CD2AP: variants seen among roughly 807,000 people sequenced by gnomAD.
CD2AP encodes the protein CD2 associated protein.
In CD2AP, 46 loss-of-function variants were observed where a neutral mutation model predicts 85.1. That is an observed-to-expected ratio of 0.54 (90% CI 0.43 to 0.69). The LOEUF is 0.69. Among genes scored for constraint, CD2AP ranks in the 30% least tolerant of loss-of-function variants. The pLI is 0.00. For synonymous variants in CD2AP, 255 were observed against 252.9 expected (o/e 1.01, Z -0.08); for missense variants, 769 against 729.5 (o/e 1.05, Z -0.62).
At chr6:47,593,863 T>A (rs1768865344) in intron 11 of CD2AP, among the ~76,000 whole-genome samples, 1 of 152,094 alleles carries the variant, frequency 6.6e-6, no homozygotes, top group African/African-American at 2.4e-5. Flanking sequence ...AGCAGCACTA[T>A]TTACAGTAGG....
At chr6:47,553,513 ATTT>A (rs148273065) in intron 4 of CD2AP, among the ~76,000 whole-genome samples, 6 of 110,508 alleles carry the variant, frequency 5.4e-5, no homozygotes, top group African/African-American at 1.1e-4. Context: ...CACCTAGTGA[ATTT>A]TTTTTTTTTT....
chr6:47,556,289 C>T (rs1239276615), intron 5 of CD2AP, among the ~76,000 whole-genome samples: 1 of 150,620 alleles, frequency 6.6e-6, no homozygotes, highest in Non-Finnish European at 1.5e-5. Flanking sequence ...TACTGTTCAC[C>T]TCCCATTTAT....
At chr6:47,566,333 C>CAT (rs1252667330) in intron 5 of CD2AP, among the ~76,000 whole-genome samples, 55 of 92,056 alleles carry the variant, frequency 6.0e-4, no homozygotes, top group East Asian at 1.0e-3. Flanking sequence ...TACACATACA[C>CAT]ATATATATAT....
chr6:47,532,418 C>T (rs1242047502), intron 2 of CD2AP, among the ~76,000 whole-genome samples: 6 of 109,204 alleles, frequency 5.5e-5, no homozygotes, highest in South Asian at 6.2e-4. Context: ...CACACACACA[C>T]ACAATACTTG....
At chr6:47,507,138 A>C (rs1035042384) in intron 2 of CD2AP, among the ~76,000 whole-genome samples, 7 of 152,204 alleles carry the variant, frequency 4.6e-5, no homozygotes, top group Admixed American at 1.3e-4. Flanking sequence ...CATAGGAAGC[A>C]ACTCCTCATC....
At chr6:47,599,065 T>C (rs546126003) in intron 12 of CD2AP, among the ~76,000 whole-genome samples, 6 of 146,442 alleles carry the variant, frequency 4.1e-5, no homozygotes, top group Admixed American at 1.4e-4. Context: ...TATACTAATA[T>C]CTGTTGAATG....
chr6:47,597,934 C>CA (rs989850580), intron 12 of CD2AP, among the ~76,000 whole-genome samples: 5 of 150,832 alleles, frequency 3.3e-5, no homozygotes, highest in African/African-American at 1.2e-4. Flanking sequence ...TGAAGGGACC[C>CA]AGTGGTGTCT....
At chr6:47,522,070 T>C (rs1263917736) in intron 2 of CD2AP, among the ~76,000 whole-genome samples, 1 of 151,366 alleles carries the variant, frequency 6.6e-6, no homozygotes, top group African/African-American at 2.4e-5. Flanking sequence ...ATTGGAGACA[T>C]TGAATAATTA....
At position 47,503,356 on chromosome 6, in the gene CD2AP, G is replaced by C. The variant is rs1283834941; in HGVS notation, c.81G>C (p.Arg27Ser). The C allele has an allele frequency of 3.1e-6, 5 of 1,613,646 alleles. No homozygotes were observed. The highest frequency in any genetic ancestry group is 4.2e-6 in the Non-Finnish European group (5 of 1,179,760). ...CTATTCGAGTTGGAGAAATCATCAG[G>C]AATGTGAAAAAGCTACAGGAGGAAG... The part of the protein sequence containing the change: ...ELTIRVGEII[R>S]NVKKLQEEGW... The change falls in exon 2 of 18, where the codon AGG (arginine) becomes AGC (serine). Residue 27 changes from arginine to serine, a missense_variant. Arg to Ser is a moderately radical substitution (Grantham distance 110). Coordinates refer to ENST00000359314, the MANE Select transcript of CD2AP (RefSeq NM_012120.3).
At chr6:47,587,296 C>G (rs1047300312) in intron 11 of CD2AP, among the ~76,000 whole-genome samples, 1 of 152,132 alleles carries the variant, frequency 6.6e-6, no homozygotes, top group Non-Finnish European at 1.5e-5. Flanking sequence ...AAGCTCTGTT[C>G]TGTCAGAGAT....
chr6:47,480,320 C>T (rs889976469), intron 1 of CD2AP, among the ~76,000 whole-genome samples: 5 of 151,932 alleles, frequency 3.3e-5, no homozygotes, highest in Admixed American at 6.6e-5. Flanking sequence ...TTGGTTTTAC[C>T]AGCCATCCTT....
At chr6:47,499,885 C>A (rs143998552) in intron 1 of CD2AP, among the ~76,000 whole-genome samples, 2 of 152,060 alleles carry the variant, frequency 1.3e-5, no homozygotes, top group African/African-American at 4.8e-5. Flanking sequence ...TATGCCACCA[C>A]GCCCGGCTAA....
chr6:47,609,144 C>T lies in CD2AP; in HGVS notation c.1654C>T (p.Pro552Ser), dbSNP rs777102694. ...TCAGCCATCTGTGTACCTTTCAACACCTTCCAGTGCTTCTAAAGCAAATAC... is the reference window on the plus strand; with the variant it reads ...TCAGCCATCTGTGTACCTTTCAACATCTTCCAGTGCTTCTAAAGCAAATAC... ...SPKPSVYLST[P>S]SSASKANTTA... is the part of the protein sequence containing the mutation. Residue 552 changes from proline to serine, a missense_variant, in exon 16 of 18, where the codon CCT becomes TCT. Transcript: ENST00000359314. The T allele has an allele frequency of 6.2e-7, 1 of 1,613,098 alleles. No individual in the cohort carries two copies. The highest frequency in any genetic ancestry group is 2.2e-5 in the East Asian group (1 of 44,806).
chr6:47,552,305 T>G (rs978829936), intron 4 of CD2AP, among the ~76,000 whole-genome samples: 2 of 151,714 alleles, frequency 1.3e-5, no homozygotes, highest in African/African-American at 4.8e-5. Flanking sequence ...ACCCCCATTC[T>G]TTCCCCCCAA....
intron 17 of CD2AP, among the ~76,000 whole-genome samples, chr6:47,618,269 G>C (rs1168561461): frequency 1.3e-5 from 2 of 152,058 alleles, no homozygotes; most frequent in Non-Finnish European, 2.9e-5. Flanking sequence ...GCTGTGAGCC[G>C]ATATCATGCC....
At chr6:47,598,670 A>G (rs1466092325) in intron 12 of CD2AP, among the ~76,000 whole-genome samples, 2 of 150,854 alleles carry the variant, frequency 1.3e-5, no homozygotes, top group Admixed American at 1.3e-4. Context: ...CAAACATTGT[A>G]CGTTCTCCCT....
At position 47,580,886 on chromosome 6, in the gene CD2AP, C is replaced by A. The variant is rs774612078; in HGVS notation, c.1031C>A (p.Pro344His). Residue 344 changes from proline to histidine, a missense_variant, in exon 10 of 18, where the codon CCT becomes CAT. Pro to His is a moderately conservative substitution (Grantham distance 77, BLOSUM62 -2). Coordinates refer to ENST00000359314, the MANE Select transcript of CD2AP (RefSeq NM_012120.3). ...CAGAAACCAAAGAAACCACCACCTC[C>A]TGCTAAGGCTCCAGGTATGTAAGAA... ...DFPKPKKPPP[P>H]AKAPAPKPEL... is the part of the protein sequence containing the mutation. 2 of 1,608,300 alleles carry A rather than the reference C, an allele frequency of 1.2e-6. No homozygotes were observed. The highest frequency in any genetic ancestry group is 1.7e-5 in the Admixed American group (1 of 60,000).
intron 11 of CD2AP, among the ~76,000 whole-genome samples, chr6:47,587,538 T>C (rs1768664948): frequency 6.6e-6 from 1 of 152,200 alleles, no homozygotes; most frequent in Admixed American, 6.5e-5. Flanking sequence ...CCTAAAATCC[T>C]GGCAAGCTGT....
Position 47,611,259 on chromosome 6 carries a change from G to C in CD2AP, c.1815-1214G>C, listed in dbSNP as rs985156724. Reference sequence around the variant, plus strand: ...TACACGCAATCAGTGTATTTCATTTGTATAAAGTTGAAAAGCATACCAAAC... The same window carrying C: ...TACACGCAATCAGTGTATTTCATTTCTATAAAGTTGAAAAGCATACCAAAC... On this transcript the variant is annotated intron_variant, in intron 16 of 17. Transcript: ENST00000359314. 1.3e-4 allele frequency among the ~76,000 whole-genome samples: 20 copies of C among 151,454 alleles called. 1 individual carries two copies. The highest frequency in any genetic ancestry group is 1.3e-3 in the Admixed American group (20 of 15,222).
Sources: gnomAD v4.1 joint callset for allele counts (sites outside exome capture counted in the v4.1 genomes callset) on GRCh38, gnomAD v4.1.1 for gene constraint, MANE v1.5 for transcripts, NCBI Gene and HGNC (gene_info 2026-07-23, HGNC 2026-07-21) for gene names.